The following PHTF2 variants were observed in gnomAD, a reference collection of about 807,000 sequenced individuals.
PHTF2 encodes putative homeodomain transcription factor 2, also known as protein PHTF2.
In PHTF2, 60 loss-of-function variants were observed where a neutral mutation model predicts 101.2. That is an observed-to-expected ratio of 0.59 (90% CI 0.48 to 0.73). The LOEUF is 0.73. Among genes scored for constraint, PHTF2 ranks in the 30% least tolerant of loss-of-function variants. PHTF2 has a pLI of 0.00. For synonymous variants in PHTF2, 311 were observed against 307.3 expected, an observed-to-expected ratio of 1.01 and a Z score of -0.13; for missense variants, 747 against 908.7, an observed-to-expected ratio of 0.82 and a Z score of 2.29.
chr7:77,921,248 A>G (rs1016762776), intron 10 of PHTF2, among the ~76,000 whole-genome samples: 1 of 152,250 alleles, frequency 6.6e-6, no homozygotes, highest in Non-Finnish European at 1.5e-5. Context: ...TACTGGGGAC[A>G]TATTTGTTAA....
chr7:77,928,072 T>C (rs372006675), intron 11 of PHTF2, among the ~76,000 whole-genome samples: 3 of 152,046 alleles, frequency 2.0e-5, no homozygotes. Flanking sequence ...GAGGTGCTTA[T>C]AGCAATGAAG....
At chr7:77,813,577 GGAGAA>G (rs1015407145) in intron 1 of PHTF2, among the ~76,000 whole-genome samples, 3 of 152,166 alleles carry the variant, frequency 2.0e-5, no homozygotes, top group Non-Finnish European at 4.4e-5. Flanking sequence ...GAGCACCTTG[GGAGAA>G]GAGAAAGGCA....
rs542688653 is a variant in PHTF2, at chr7:77,914,100, T to C, written c.776+3691T>C. On this transcript the variant is annotated intron_variant, in intron 9 of 19. Transcript: ENST00000416283. ...AAAAAAAGGAAAAAAAAAAGAAATATCTAATAAGTACCATCCTAAGCCAGG... is the reference window on the plus strand; with the variant it reads ...AAAAAAAGGAAAAAAAAAAGAAATACCTAATAAGTACCATCCTAAGCCAGG... Among the ~76,000 whole-genome samples, 9 of 148,328 alleles carry C rather than the reference T, an allele frequency of 6.1e-5. No homozygotes were observed. The East Asian group carries it at 1.4e-3, about 23-fold the overall frequency.
At chr7:77,882,976 A>G (rs1209718922) in intron 3 of PHTF2, among the ~76,000 whole-genome samples, 5 of 152,202 alleles carry the variant, frequency 3.3e-5, no homozygotes, top group African/African-American at 1.2e-4. Context: ...GTAATGGACA[A>G]CTAGAAACAT....
chr7:77,915,023 T>C (rs1802775384), intron 9 of PHTF2, among the ~76,000 whole-genome samples: 2 of 151,258 alleles, frequency 1.3e-5, no homozygotes, highest in South Asian at 4.2e-4. Context: ...GTGATTCTTC[T>C]CCCTCAGCCT....
chr7:77,907,576 T>C (rs1019803109), intron 7 of PHTF2, among the ~76,000 whole-genome samples: 4 of 152,228 alleles, frequency 2.6e-5, no homozygotes, highest in Non-Finnish European at 5.9e-5. Flanking sequence ...CCAAGTTTAC[T>C]CATGTTGTCC....
At chr7:77,878,156 G>A (rs562644644) in intron 3 of PHTF2, among the ~76,000 whole-genome samples, 2 of 152,260 alleles carry the variant, frequency 1.3e-5, no homozygotes, top group South Asian at 4.1e-4. Flanking sequence ...GAACAAGAGA[G>A]GTTATTATTA....
At chr7:77,869,166 A>T (rs1798321653) in intron 3 of PHTF2, among the ~76,000 whole-genome samples, 2 of 152,194 alleles carry the variant, frequency 1.3e-5, no homozygotes, top group East Asian at 3.8e-4. Context: ...TACGTAATTA[A>T]TTATACATCT....
intron 1 of PHTF2, among the ~76,000 whole-genome samples, chr7:77,811,174 T>G (rs1316264081): frequency 6.6e-6 from 1 of 152,088 alleles, no homozygotes; most frequent in African/African-American, 2.4e-5. Context: ...AGTGTTGGGA[T>G]TACAGGCGTG....
At chr7:77,856,964 A>G (rs1170618645) in intron 3 of PHTF2, among the ~76,000 whole-genome samples, 1 of 152,200 alleles carries the variant, frequency 6.6e-6, no homozygotes, top group Non-Finnish European at 1.5e-5. Flanking sequence ...GACTTGCAAT[A>G]TAACAGATGA....
At chr7:77,952,386 G>A (rs1020503524) in intron 18 of PHTF2, among the ~76,000 whole-genome samples, 1 of 152,134 alleles carries the variant, frequency 6.6e-6, no homozygotes, top group Non-Finnish European at 1.5e-5. Context: ...TAATTCTTCA[G>A]TCAACTAAAC....
intron 3 of PHTF2, among the ~76,000 whole-genome samples, chr7:77,883,946 T>C (rs546615958): frequency 6.6e-6 from 1 of 152,356 alleles, no homozygotes; most frequent in African/African-American, 2.4e-5. Context: ...GTGCACCAAC[T>C]ATATACAAGA....
chr7:77,801,940 C>T (rs1179582584), intron 1 of PHTF2, among the ~76,000 whole-genome samples: 5 of 152,186 alleles, frequency 3.3e-5, no homozygotes, highest in African/African-American at 7.2e-5. Flanking sequence ...AAGGGCAATA[C>T]TTCAAAGAAG....
intron 1 of PHTF2, among the ~76,000 whole-genome samples, chr7:77,809,558 T>G (rs1164307751): frequency 6.6e-6 from 1 of 151,166 alleles, no homozygotes; most frequent in Non-Finnish European, 1.5e-5. Context: ...AACAAAACTT[T>G]GTGTGTGTGT....
At chr7:77,919,917 T>C (rs1803286675) in intron 9 of PHTF2, among the ~76,000 whole-genome samples, 1 of 152,184 alleles carries the variant, frequency 6.6e-6, no homozygotes, top group African/African-American at 2.4e-5. Flanking sequence ...AACCTGACAA[T>C]TAGATCATTT....
intron 9 of PHTF2, among the ~76,000 whole-genome samples, chr7:77,916,544 A>G (rs1345899496): frequency 6.6e-6 from 1 of 152,008 alleles, no homozygotes; most frequent in African/African-American, 2.4e-5. Flanking sequence ...ACAGAGTGAG[A>G]CCCTGTCTCT....
intron 2 of PHTF2, among the ~76,000 whole-genome samples, chr7:77,848,786 A>T (rs1232396537): frequency 6.6e-6 from 1 of 152,148 alleles, no homozygotes; most frequent in East Asian, 1.9e-4. Flanking sequence ...TGCCCAGTCC[A>T]TTATCTTGGA....
At chr7:77,809,224 G>GTTTTTTTTTTTGT (rs1793224938) in intron 1 of PHTF2, among the ~76,000 whole-genome samples, 1 of 98,510 alleles carries the variant, frequency 1.0e-5, no homozygotes, top group Non-Finnish European at 1.9e-5. Context: ...CCAGTTCGTT[G>GTTTTTTTTTTTGT]TTTTTTTTTT....
intron 3 of PHTF2, among the ~76,000 whole-genome samples, chr7:77,889,227 G>T (rs1800144006): frequency 1.3e-5 from 2 of 152,154 alleles, no homozygotes; most frequent in Admixed American, 1.3e-4. Flanking sequence ...GCCACAGGGG[G>T]TCTGATCTAC....
Sources: gnomAD v4.1 joint callset for allele counts (sites outside exome capture counted in the v4.1 genomes callset) on GRCh38, gnomAD v4.1.1 for gene constraint, MANE v1.5 for transcripts, NCBI Gene and HGNC (gene_info 2026-07-23, HGNC 2026-07-21) for gene names.